Variants in GLG1 observed in about 807,000 individuals in gnomAD.
GLG1 encodes the protein Golgi apparatus protein 1.
GLG1 carries 38 observed loss-of-function variants against 160.5 expected under a neutral mutation model. The ratio of observed to expected loss-of-function variants is 0.24; its 90% CI spans 0.18 to 0.31. The LOEUF (loss-of-function observed/expected upper bound fraction) is 0.31, where lower values mean the gene tolerates loss of function less well. GLG1 is among the 10% of genes least tolerant of loss of function. The pLI is 1.00. For synonymous variants in GLG1, 644 were observed against 543.4 expected (o/e 1.19, Z -2.57); for missense variants, 1,373 against 1,505.2 (o/e 0.91, Z 1.45).
chr16:74,534,324 C>G (rs2017627252), intron 1 of GLG1, among the ~76,000 whole-genome samples: 1 of 152,076 alleles, frequency 6.6e-6, no homozygotes, highest in Non-Finnish European at 1.5e-5. Context: ...AATGCTTTTT[C>G]TTAGACAGTT....
At chr16:74,600,112 G>T (rs1433941927) in intron 1 of GLG1, among the ~76,000 whole-genome samples, 1 of 152,184 alleles carries the variant, frequency 6.6e-6, no homozygotes, top group Admixed American at 6.5e-5. Context: ...TGTGCTATTG[G>T]TAATATGCAA....
intron 1 of GLG1, among the ~76,000 whole-genome samples, chr16:74,567,444 T>C (rs1455683647): frequency 1.3e-5 from 2 of 152,034 alleles, no homozygotes; most frequent in African/African-American, 4.8e-5. Flanking sequence ...AACATTGGGG[T>C]TTCCTAGGAC....
At chr16:74,603,281 G>A (rs1302745721) in intron 1 of GLG1, among the ~76,000 whole-genome samples, 1 of 151,134 alleles carries the variant, frequency 6.6e-6, no homozygotes, top group Admixed American at 6.6e-5. Flanking sequence ...GAGGTGGTGC[G>A]TGCCTGTAAT....
At chr16:74,589,731 T>A (rs1415035860) in intron 1 of GLG1, among the ~76,000 whole-genome samples, 2 of 152,140 alleles carry the variant, frequency 1.3e-5, no homozygotes, top group African/African-American at 4.8e-5. Context: ...CTCTAATTTC[T>A]CCTATTTCAC....
At position 74,447,564 on chromosome 16, in the gene GLG1, C is replaced by T. The variant is rs892290571; in HGVS notation, c.*5603G>A. The T allele has an allele frequency of 6.6e-6, 1 of 152,294 alleles. No individual in the cohort carries two copies. The highest frequency in any genetic ancestry group is 2.1e-4 in the South Asian group (1 of 4,826). 9.4% of individuals were successfully genotyped at this position (152,294 alleles called of 1,614,324 possible). On this transcript the variant is annotated 3_prime_UTR_variant, in exon 26 of 26. Coordinates refer to ENST00000422840, the MANE Select transcript of GLG1 (RefSeq NM_001145667.2). The stretch of plus-strand genomic sequence containing the variant: ...GCATGAACATGTAAAAACAAGGGAC[C>T]ACCACGATTTTATACATAGAAAGGA...
intron 2 of GLG1, among the ~76,000 whole-genome samples, chr16:74,523,661 T>G (rs138518295): frequency 5.9e-4 from 90 of 152,200 alleles, no homozygotes; most frequent in African/African-American, 2.0e-3. Flanking sequence ...TTTGTTAGAT[T>G]TATTCTTAAG....
intron 11 of GLG1, 119 bp downstream of exon 11, chr16:74,480,122 C>A: frequency 1.3e-6 from 1 of 779,254 alleles, no homozygotes; most frequent in East Asian, 2.6e-5. Context: ...CAGCAATCTT[C>A]TCCCCACAAA....
chr16:74,507,735 CAAAA>C (rs1231052569), intron 3 of GLG1, among the ~76,000 whole-genome samples: 1 of 142,860 alleles, frequency 7.0e-6, no homozygotes, highest in Non-Finnish European at 1.5e-5. Context: ...GACTCCATCT[CAAAA>C]AAAAAAATCT....
intron 23 of GLG1, among the ~76,000 whole-genome samples, chr16:74,459,356 T>C (rs1186315786): frequency 6.6e-6 from 1 of 152,150 alleles, no homozygotes; most frequent in East Asian, 1.9e-4. Context: ...CGGGCGCCTA[T>C]AGTCCCAGCT....
At chr16:74,511,600 A>AG (rs2016809757) in intron 2 of GLG1, among the ~76,000 whole-genome samples, 1 of 143,596 alleles carries the variant, frequency 7.0e-6, no homozygotes, top group African/African-American at 2.6e-5. Context: ...AAAAAAAAAA[A>AG]AAGAAAGAAA....
Position 74,459,870 on chromosome 16 carries a change from T to G in GLG1, c.3037-81A>C, listed in dbSNP as rs1597219923. 7 of 728,672 alleles carry G rather than the reference T, an allele frequency of 9.6e-6. No homozygotes were observed. In the East Asian group the frequency reaches 2.0e-4, roughly 21 times the overall value. 45.1% of individuals were successfully genotyped at this position (728,672 alleles called of 1,614,324 possible). A position where few individuals can be genotyped will look rare whatever the true frequency, so the allele number is the denominator to read the frequency against. ...CAGTTTCTTCTTTTTTTTTTTTATT[T>G]TTTGAAACAGAGCCAAGCTCTGTCA... On this transcript the variant is annotated intron_variant, in intron 22 of 25. Transcript: ENST00000422840.
intron 1 of GLG1, among the ~76,000 whole-genome samples, chr16:74,560,297 C>T (rs1022580819): frequency 6.7e-6 from 1 of 149,542 alleles, no homozygotes; most frequent in South Asian, 2.1e-4. Flanking sequence ...TTCCTCCTAA[C>T]TGCTTTGAAT....
intron 1 of GLG1, among the ~76,000 whole-genome samples, chr16:74,590,978 T>C (rs1265294118): frequency 3.3e-5 from 5 of 151,612 alleles, no homozygotes; most frequent in Non-Finnish European, 7.4e-5. Context: ...TATAAAAATA[T>C]GAAAATGAAG....
Position 74,451,818 on chromosome 16 carries a change from T to C in GLG1, c.*1349A>G, listed in dbSNP as rs773054618. ...ACTTGTCATCTCCACACTGGAGGAA[T>C]GAGGCGGGATGGCCAAGAATATTGC... On this transcript the variant is annotated 3_prime_UTR_variant, in exon 26 of 26. Transcript: ENST00000422840. 1.7e-5 allele frequency: 8 copies of C among 477,840 alleles called. No homozygotes were observed. The highest frequency in any genetic ancestry group is 3.3e-5 in the Admixed American group (1 of 30,012). 29.6% of individuals were successfully genotyped at this position (477,840 alleles called of 1,614,324 possible).
At chr16:74,460,605 C>T (rs922196301) in intron 22 of GLG1, among the ~76,000 whole-genome samples, 1 of 152,222 alleles carries the variant, frequency 6.6e-6, no homozygotes, top group East Asian at 1.9e-4. Flanking sequence ...GGTCTCTAAA[C>T]ATGTCAGTTT....
At chr16:74,598,012 G>C (rs1027252558) in intron 1 of GLG1, among the ~76,000 whole-genome samples, 4 of 152,010 alleles carry the variant, frequency 2.6e-5, no homozygotes, top group African/African-American at 9.7e-5. Context: ...GCAAGACTCT[G>C]TCTCGAAAAC....
At chr16:74,604,630 T>C (rs1958522705) in intron 1 of GLG1, among the ~76,000 whole-genome samples, 1 of 152,280 alleles carries the variant, frequency 6.6e-6, no homozygotes, top group African/African-American at 2.4e-5. Context: ...AAACATATTC[T>C]ATACATGTTT....
At chr16:74,454,960 T>C (rs2014475910) in intron 25 of GLG1, among the ~76,000 whole-genome samples, 1 of 151,338 alleles carries the variant, frequency 6.6e-6, no homozygotes, top group African/African-American at 2.4e-5. Context: ...TAAAATTAGC[T>C]GGGTGTGGTG....
chr16:74,554,375 A>T (rs1475078147), intron 1 of GLG1, among the ~76,000 whole-genome samples: 1 of 152,158 alleles, frequency 6.6e-6, no homozygotes, highest in African/African-American at 2.4e-5. Flanking sequence ...CTCTACTAAA[A>T]ATACAAAAAT....
Sources: gnomAD v4.1 joint callset for allele counts (sites outside exome capture counted in the v4.1 genomes callset) on GRCh38, gnomAD v4.1.1 for gene constraint, MANE v1.5 for transcripts, NCBI Gene and HGNC (gene_info 2026-07-23, HGNC 2026-07-21) for gene names.